P3H1: variants seen among roughly 807,000 people sequenced by gnomAD.
The protein encoded by P3H1 is growth suppressor 1.
P3H1 carries 69 observed loss-of-function variants against 84.0 expected under a neutral mutation model. The ratio of observed to expected loss-of-function variants is 0.82; its 90% CI spans 0.68 to 1.00. The LOEUF (loss-of-function observed/expected upper bound fraction) is 1.00. P3H1 is among the 50% of genes least tolerant of loss of function. P3H1 has a pLI of 0.00. For synonymous variants in P3H1, 366 were observed against 388.8 expected (o/e 0.94, Z 0.69); for missense variants, 878 against 962.8 (o/e 0.91, Z 1.17).
rs1376374810 is a variant in P3H1, at chr1:42,766,648, G to T, written c.324C>A (p.Ser108Arg). 1 of 1,572,032 alleles carries T rather than the reference G, an allele frequency of 6.4e-7. No homozygotes were observed. The highest frequency in any genetic ancestry group is 1.4e-5 in the African/African-American group (1 of 73,778). Residue 108 changes from serine (S) to arginine (R), a missense_variant, in exon 1 of 15, where the codon AGC becomes AGA. Coordinates refer to ENST00000296388, the MANE Select transcript of P3H1 (RefSeq NM_022356.4). ...ASGAAALRDL[S>R]FFGGLLRRAA... ...CGCGACGCAGAAGGCCCCCGAAGAA[G>T]CTCAGGTCGCGCAGGGCGGCGGCGC... is the stretch of plus-strand genomic sequence containing the variant.
Position 42,754,889 on chromosome 1 carries a change from A to C in P3H1, c.1325T>G (p.Val442Gly). 1 of 1,614,156 alleles carries C rather than the reference A, an allele frequency of 6.2e-7. No individual in the cohort carries two copies. The highest frequency in any genetic ancestry group is 2.2e-5 in the East Asian group (1 of 44,874). ...CTCACCTTCCCGGGTCAGTCTGCTC[A>C]CATCCAGTGACTCCTTGGTCTTCTC... ...VEEKTKESLD[V>G]SRLTREGGPL... Residue 442 changes from valine to glycine, a missense_variant, in exon 8 of 15, where the codon GTG (valine) becomes GGG (glycine). Physicochemically the swap from Val to Gly is moderately radical, Grantham distance 109. Coordinates refer to ENST00000296388, the MANE Select transcript of P3H1 (RefSeq NM_022356.4). This position sits in a 1 kb window ranked among gnomAD's most constrained non-coding sequence, Gnocchi z 4.0.
At chr1:42,755,047 C>A in intron 7 of P3H1, 57 bp from the exon 8 acceptor site, 3 of 1,614,024 alleles carry the variant, frequency 1.9e-6, no homozygotes, top group Non-Finnish European at 2.5e-6. Context: ...GGCTCCACCC[C>A]GACTTCCCAA....
rs1651788086 is a variant in P3H1 at position 42,747,394 on chromosome 1, A to G, written c.1933T>C (p.Cys645Arg). Residue 645 changes from cysteine (C) to arginine (R), a missense_variant, in exon 14 of 15, where the codon TGT becomes CGT. Coordinates refer to ENST00000296388, the MANE Select transcript of P3H1 (RefSeq NM_022356.4). ...KTVTAEVQPQ[C>R]GRAVGFSSGT... The stretch of plus-strand genomic sequence containing the variant: ...GAAGAGAATCCCACGGCTCTTCCAC[A>G]CTGAGGCTGCACCTCTGCCTAAGGG... 1 of 1,611,132 alleles carries G rather than the reference A, an allele frequency of 6.2e-7. No individual in the cohort carries two copies. Among genetic ancestry groups the G allele is most frequent in the African/African-American group, 1.3e-5 (1 of 74,880 alleles).
intron 11 of P3H1, among the ~76,000 whole-genome samples, chr1:42,749,391 C>T (rs562935079): frequency 6.6e-6 from 1 of 152,198 alleles, no homozygotes; most frequent in Non-Finnish European, 1.5e-5. Context: ...GGCTCTGGGC[C>T]ACATAGGATC....
At position 42,766,546 on chromosome 1, in the gene P3H1, C is replaced by A. The variant is rs200334947; in HGVS notation, c.426G>T (p.Lys142Asn). The stretch of plus-strand genomic sequence containing the variant: ...CCTGCAGGTAGTTGTAGGGGCTCCG[C>A]TTGCGGAACTCCAGCTCCATCTCTT... ...LSEEMELEFR[K>N]RSPYNYLQVA... Residue 142 changes from lysine (K) to asparagine (N), a missense_variant, in exon 1 of 15, where the codon AAG (lysine) becomes AAT (asparagine). Coordinates refer to ENST00000296388, the MANE Select transcript of P3H1 (RefSeq NM_022356.4). 359 of 1,612,184 alleles carry A rather than the reference C, an allele frequency of 2.2e-4. No homozygotes were observed. Among genetic ancestry groups the A allele is most frequent in the Middle Eastern group, 3.3e-4 (2 of 6,078 alleles).
At chr1:42,757,689 C>T in intron 5 of P3H1, 94 bp downstream of exon 5, 1 of 1,580,740 alleles carries the variant, frequency 6.3e-7, no homozygotes, top group Non-Finnish European at 8.7e-7. Context: ...CCCTGCCCTG[C>T]ACGCACAGCG....
intron 2 of P3H1, chr1:42,761,530 A>G (rs980104897): frequency 6.6e-6 from 1 of 152,220 alleles, no homozygotes; most frequent in African/African-American, 2.4e-5. Context: ...GCCATAAACA[A>G]TTATGTTTTC....
At chr1:42,759,106 G>C in intron 3 of P3H1, 95 bp downstream of exon 3, 1 of 1,569,082 alleles carries the variant, frequency 6.4e-7, no homozygotes, top group Non-Finnish European at 8.8e-7. Context: ...AATAAATTGA[G>C]GAATGAGGGT....
intron 1 of P3H1, among the ~76,000 whole-genome samples, chr1:42,763,548 C>T (rs115535761): frequency 0.11 from 17,281 of 151,216 alleles, 1,107 homozygotes; most frequent in East Asian, 0.24. Context: ...GGCGCACACC[C>T]GTAATCCCAG....
At chr1:42,766,308 G>C (rs1267513506) in intron 1 of P3H1, among the ~76,000 whole-genome samples, 199 bp downstream of exon 1, 3 of 152,202 alleles carry the variant, frequency 2.0e-5, no homozygotes, top group Non-Finnish European at 4.4e-5. Flanking sequence ...TTTGGGGTTA[G>C]CATCTGCCCA....
intron 1 of P3H1, among the ~76,000 whole-genome samples, chr1:42,763,060 G>T (rs892493028): frequency 6.6e-6 from 1 of 151,802 alleles, no homozygotes; most frequent in Non-Finnish European, 1.5e-5. Flanking sequence ...ACTCCAGCTT[G>T]GGTGACACAG....
intron 4 of P3H1, among the ~76,000 whole-genome samples, chr1:42,758,561 C>T (rs1332314462): frequency 6.6e-6 from 1 of 152,176 alleles, no homozygotes; most frequent in Non-Finnish European, 1.5e-5. Context: ...CTGTGGCATA[C>T]CCTTATTTTG....
chr1:42,747,949 A>C (rs1570455204), intron 12 of P3H1, 151 bp from the exon 13 acceptor site: 1 of 784,274 alleles, frequency 1.3e-6, no homozygotes, highest in South Asian at 1.4e-5. Context: ...TACAAACTCC[A>C]CCTTTCCACT....
chr1:42,747,801 G>A lies in P3H1; in HGVS notation c.1839-3C>T, dbSNP rs1651813912. The A allele has an allele frequency of 1.9e-6, 3 of 1,614,044 alleles. No homozygotes were observed. The highest frequency in any genetic ancestry group is 2.5e-6 in the Non-Finnish European group (3 of 1,179,918). ...CCCCATTTAGGTAAAGGATGGCGCT[G>A]GGAAAGGCAGAGACATCTCATCATG... On this transcript the variant is annotated splice_region_variant and splice_polypyrimidine_tract_variant and intron_variant, in intron 12 of 14. Transcript: ENST00000296388.
chr1:42,746,935 A>G (rs370398107), intron 14 of P3H1, 83 bp from the exon 15 acceptor site: 11 of 1,614,022 alleles, frequency 6.8e-6, no homozygotes, highest in Non-Finnish European at 7.6e-6. Context: ...CCCAGGGGAC[A>G]AGGAAGGTTC....
chr1:42,756,284 C>G (rs1652399039), intron 5 of P3H1: 1 of 154,388 alleles, frequency 6.5e-6, no homozygotes, highest in African/African-American at 2.4e-5. Context: ...GCTTTCTGCT[C>G]TGCCACCTGC....
rs1652249833 is a variant in P3H1 at position 42,754,006 on chromosome 1, G to A, written c.1345+863C>T. On this transcript the variant is annotated intron_variant, in intron 8 of 14. Transcript: ENST00000296388. This position sits in a 1 kb window ranked among gnomAD's most constrained non-coding sequence, Gnocchi z 4.0. ...AGGGATGGTGGGAAGCGTACTAGGA[G>A]AGCCAGGCATAAACACAGACTGGTG... 1.3e-5 allele frequency among the ~76,000 whole-genome samples: 2 copies of A among 152,198 alleles called. No homozygotes were observed. The highest frequency in any genetic ancestry group is 2.4e-5 in the African/African-American group (1 of 41,460).
chr1:42,758,090 G>C, intron 4 of P3H1, 168 bp from the exon 5 acceptor site: 1 of 732,868 alleles, frequency 1.4e-6, no homozygotes. Flanking sequence ...AGGGGCAGGA[G>C]TTAAGTAATA....
In P3H1 at chr1:42,766,625, C is replaced by T. The variant is rs1483542777; in HGVS notation, c.347G>A (p.Arg116His). 1 of 1,599,774 alleles carries T rather than the reference C, an allele frequency of 6.3e-7. No individual in the cohort carries two copies. ...DLSFFGGLLR[R>H]AACLRRCLGP... ...GAGGCAGCGGCGCAGGCAGGCAGCG[C>T]GACGCAGAAGGCCCCCGAAGAAGCT... Residue 116 changes from arginine to histidine, a missense_variant, in exon 1 of 15, where the codon CGC becomes CAC. Physicochemically the swap from Arg to His is conservative, Grantham distance 29. Transcript: ENST00000296388.
Sources: gnomAD v4.1 joint callset for allele counts (sites outside exome capture counted in the v4.1 genomes callset) on GRCh38, gnomAD v4.1.1 for gene constraint, Gnocchi (gnomAD v3.1) non-coding constraint, MANE v1.5 for transcripts, NCBI Gene and HGNC (gene_info 2026-07-23, HGNC 2026-07-21) for gene names.